The following SPTBN5 variants were observed in gnomAD, a reference collection of about 807,000 sequenced individuals.
SPTBN5 encodes spectrin beta chain, non-erythrocytic 5.
SPTBN5 carries 513 observed loss-of-function variants against 477.6 expected under a neutral mutation model. The ratio of observed to expected loss-of-function variants is 1.07; its 90% CI spans 1.00 to 1.16. The LOEUF is 1.16. SPTBN5 is among the 50% of genes most tolerant of loss of function. The probability of loss-of-function intolerance (pLI) is 0.00; values close to 1 mark genes in which losing one functional copy is unlikely to be tolerated. For synonymous variants in SPTBN5, 2,169 were observed against 2,011.7 expected (o/e 1.08, Z -2.09); for missense variants, 5,062 against 4,731.8 (o/e 1.07, Z -2.05).
chr15:41,875,554 C>T lies in SPTBN5; in HGVS notation c.4191G>A (p.Leu1397=), dbSNP rs1484513257. ...GGTTCAAAGCTTCCCACTTGCTTCT[C>T]AGGCCTTGAAGCCTGGTCTGTATGT... The part of the protein sequence containing the change: ...QEDIQTRLQG[L]RSKWEALNRK... The change falls in exon 22 of 68, where the codon CTG becomes CTA. Residue 1397 remains leucine (L), a synonymous_variant. Transcript: ENST00000320955. 1 of 1,610,318 alleles carries T rather than the reference C, an allele frequency of 6.2e-7. No homozygotes were observed. Among genetic ancestry groups the T allele is most frequent in the Non-Finnish European group, 8.5e-7 (1 of 1,178,406 alleles).
chr15:41,876,102 C>T lies in SPTBN5; in HGVS notation c.4122+12G>A, dbSNP rs114049387. 0.02 allele frequency: 31,194 copies of T among 1,592,486 alleles called. 571 individuals are homozygous for T. Among genetic ancestry groups the T allele is most frequent in the South Asian group, 0.081 (7,383 of 90,872 alleles). On this transcript the variant is annotated intron_variant, in intron 21 of 67. Transcript: ENST00000320955. ...CAAGGAGGCTCTGCACCCTCTGTCCCGTGTCCCCCACCTGCTGCAGGGCCT... is the reference window on the plus strand; with the variant it reads ...CAAGGAGGCTCTGCACCCTCTGTCCTGTGTCCCCCACCTGCTGCAGGGCCT...
chr15:41,868,699 C>T (rs902626330), intron 32 of SPTBN5, 98 bp from the exon 33 acceptor site: 22 of 1,311,410 alleles, frequency 1.7e-5, no homozygotes, highest in Non-Finnish European at 2.3e-5. Context: ...AGTCCACTCA[C>T]ACAGCCCGAG....
At chr15:41,864,125 A>G (rs2066217893) in intron 39 of SPTBN5, 101 bp from the exon 40 acceptor site, 14 of 980,532 alleles carry the variant, frequency 1.4e-5, no homozygotes, top group Non-Finnish European at 2.1e-5. Flanking sequence ...CCGGAGCATG[A>G]GGAACTGCAT....
In SPTBN5 at chr15:41,893,389, C is replaced by G. The variant is rs887586739; in HGVS notation, c.109G>C (p.Asp37His). 1 of 1,613,734 alleles carries G rather than the reference C, an allele frequency of 6.2e-7. No individual in the cohort carries two copies. The highest frequency in any genetic ancestry group is 1.3e-5 in the African/African-American group (1 of 74,936). The change falls in exon 2 of 68, where the codon GAC becomes CAC. Residue 37 changes from aspartate to histidine, a missense_variant. By Grantham distance (81) the Asp-to-His change is moderately conservative. Transcript: ENST00000320955. ...RVPPSPSLTM[D>H]SQYETGHIRK... Reference sequence around the variant, plus strand: ...ATGTGGCCCGTCTCGTACTGAGAGTCCATGGTGAGACTTGGACTGGGCGGG... The same window carrying G: ...ATGTGGCCCGTCTCGTACTGAGAGTGCATGGTGAGACTTGGACTGGGCGGG...
intron 27 of SPTBN5, 112 bp downstream of exon 27, chr15:41,872,190 C>G: frequency 1.5e-6 from 2 of 1,356,486 alleles, no homozygotes; most frequent in Non-Finnish European, 2.0e-6. Flanking sequence ...CCCAATGCAT[C>G]TCTACAGCCT....
Position 41,878,383 on chromosome 15 carries a change from C to G in SPTBN5, c.3429G>C (p.Glu1143Asp). The G allele has an allele frequency of 1.2e-6, 2 of 1,613,746 alleles. No homozygotes were observed. Among genetic ancestry groups the G allele is most frequent in the African/African-American group, 1.3e-5 (1 of 75,064 alleles). Residue 1143 changes from glutamate to aspartate, a missense_variant, in exon 17 of 68, where the codon GAG becomes GAC. Glu to Asp is a conservative substitution (Grantham distance 45, BLOSUM62 2). Transcript: ENST00000320955. The stretch of plus-strand genomic sequence containing the variant: ...GGATCTCCTCCAGCAGGTCTTGGTG[C>G]TCCCTCAGCAGCCGCTGAGCCGAGG... ...DVASAQRLLR[E>D]HQDLLEEIHL...
chr15:41,858,177 G>A (rs1363643436), intron 49 of SPTBN5, among the ~76,000 whole-genome samples: 1 of 152,140 alleles, frequency 6.6e-6, no homozygotes, highest in East Asian at 1.9e-4. Context: ...GTGGGCCTGT[G>A]ATCCCAGCTA....
chr15:41,868,394 C>T lies in SPTBN5; in HGVS notation c.6057+4G>A. ...ATGTGGGGGCACCAGGGGAGGGGGCCCACCTCCTTGGTGGGTGTCCCTGCA... is the reference window on the plus strand; with the variant it reads ...ATGTGGGGGCACCAGGGGAGGGGGCTCACCTCCTTGGTGGGTGTCCCTGCA... On this transcript the variant is annotated splice_donor_region_variant and intron_variant, in intron 33 of 67. Transcript: ENST00000320955. 1.3e-6 allele frequency: 2 copies of T among 1,597,918 alleles called. No homozygotes were observed. The highest frequency in any genetic ancestry group is 1.7e-6 in the Non-Finnish European group (2 of 1,171,030).
intron 3 of SPTBN5, 101 bp downstream of exon 3, chr15:41,892,793 G>T: frequency 7.3e-7 from 1 of 1,373,554 alleles, no homozygotes; most frequent in Non-Finnish European, 9.8e-7. Flanking sequence ...CAGCTCCTCT[G>T]TTCTGCCCAG....
At chr15:41,851,918 A>G in intron 62 of SPTBN5, 68 bp from the exon 63 acceptor site, 1 of 1,268,576 alleles carries the variant, frequency 7.9e-7, no homozygotes, top group Non-Finnish European at 1.1e-6. Flanking sequence ...CAAGGCACCC[A>G]CTGCCCCCAG....
intron 4 of SPTBN5, among the ~76,000 whole-genome samples, chr15:41,889,404 G>C (rs1406802554): frequency 6.6e-6 from 1 of 152,028 alleles, no homozygotes; most frequent in East Asian, 1.9e-4. Context: ...CTATGAAAAA[G>C]TATAACTATA....
rs2065903864 is a variant in SPTBN5 at position 41,855,427 on chromosome 15, G to T, written c.9220C>A (p.Pro3074Thr). The T allele has an allele frequency of 2.5e-6, 4 of 1,601,808 alleles. No individual in the cohort carries two copies. The highest frequency in any genetic ancestry group is 1.7e-4 in the Middle Eastern group (1 of 6,042). Residue 3074 changes from proline (P) to threonine (T), a missense_variant and splice_region_variant, in exon 55 of 68, where the codon CCC becomes ACC. Transcript: ENST00000320955. ...GCCTGCAGCTGGGCTAGCACCTTGG[G>T]GCTGTGGGAAGAGAGCGACAGTCTG... The part of the protein sequence containing the change: ...LLESRKNPES[P>T]KVLAQLQAVR...
rs1293805425 is a variant in SPTBN5, at chr15:41,854,992, G to A, written c.9424-16C>T. 5 of 1,525,262 alleles carry A rather than the reference G, an allele frequency of 3.3e-6. No homozygotes were observed. The highest frequency in any genetic ancestry group is 4.4e-6 in the Non-Finnish European group (5 of 1,136,638). 94.5% of individuals were successfully genotyped at this position (1,525,262 alleles called of 1,614,324 possible). A position where few individuals can be genotyped will look rare whatever the true frequency, so the allele number is the denominator to read the frequency against. On this transcript the variant is annotated splice_polypyrimidine_tract_variant and intron_variant, in intron 55 of 67. Transcript: ENST00000320955. ...CTTCCAGCACCTGCAAAGGTATGAG[G>A]CCCAGCAGGGTCACTTGAGATGGTA...
Position 41,874,457 on chromosome 15 carries a change from A to T in SPTBN5, c.4524T>A (p.His1508Gln). The T allele has an allele frequency of 1.2e-6, 2 of 1,610,630 alleles. No individual in the cohort carries two copies. The highest frequency in any genetic ancestry group is 1.7e-6 in the Non-Finnish European group (2 of 1,178,858). The change falls in exon 24 of 68, where the codon CAT becomes CAA. Residue 1508 changes from histidine (H) to glutamine (Q), a missense_variant. His to Gln is a conservative substitution (Grantham distance 24, BLOSUM62 0). Coordinates refer to ENST00000320955, the MANE Select transcript of SPTBN5 (RefSeq NM_016642.4). ...GCAGCTGCAGGCCCCGGATGGCCAG[A>T]TGCCCCTGCAGAAGCTCCAGCCTAG... ...HLRRLELLQG[H>Q]LAIRGLQLQA...
chr15:41,869,702 T>A lies in SPTBN5; in HGVS notation c.5853+139A>T. ...CAGCCCCTGACCAGCCAGACTGACA[T>A]CCCGTGTGCTCGTGCTCTCCCACCC... On this transcript the variant is annotated intron_variant, in intron 32 of 67. Coordinates refer to ENST00000320955, the MANE Select transcript of SPTBN5 (RefSeq NM_016642.4). 3.3e-6 allele frequency: 3 copies of A among 896,090 alleles called. 1 individual carries two copies. The South Asian group carries it at 7.8e-5, about 23-fold the overall frequency. 55.5% of individuals were successfully genotyped at this position (896,090 alleles called of 1,614,324 possible). A position where few individuals can be genotyped will look rare whatever the true frequency, so the allele number is the denominator to read the frequency against.
chr15:41,860,350 T>C (rs192916432), intron 47 of SPTBN5, among the ~76,000 whole-genome samples: 41 of 152,352 alleles, frequency 2.7e-4, no homozygotes, highest in African/African-American at 9.9e-4. Context: ...TAAACTCCCT[T>C]TGATCTCAAC....
chr15:41,876,438 A>T (rs2066730280), intron 20 of SPTBN5, 110 bp downstream of exon 20: 1 of 1,333,808 alleles, frequency 7.5e-7, no homozygotes, highest in Non-Finnish European at 1.0e-6. Context: ...TGTTGAGAGG[A>T]TGAATGACAT....
Position 41,873,472 on chromosome 15 carries a change from G to C in SPTBN5, c.5007+20C>G. ...ATCATCACCCAGACCACACTGCAGGGGAGGCTCAGGACGTGGTACCTGGTG... is the reference window on the plus strand; with the variant it reads ...ATCATCACCCAGACCACACTGCAGGCGAGGCTCAGGACGTGGTACCTGGTG... On this transcript the variant is annotated intron_variant, in intron 26 of 67. Transcript: ENST00000320955. 6.5e-7 allele frequency: 1 copy of C among 1,528,830 alleles called. No individual in the cohort carries two copies. Among genetic ancestry groups the C allele is most frequent in the Non-Finnish European group, 8.9e-7 (1 of 1,126,486 alleles). The allele number at this position is 1,528,830 out of a possible 1,614,324, so 94.7% of individuals were successfully genotyped here. A position where few individuals can be genotyped will look rare whatever the true frequency, so the allele number is the denominator to read the frequency against.
intron 33 of SPTBN5, 61 bp downstream of exon 33, chr15:41,868,337 G>C: frequency 6.4e-7 from 1 of 1,568,668 alleles, no homozygotes; most frequent in Non-Finnish European, 8.6e-7. Flanking sequence ...CGGGGCACCA[G>C]GTGGCCAGGC....
Sources: gnomAD v4.1 joint callset for allele counts (sites outside exome capture counted in the v4.1 genomes callset) on GRCh38, gnomAD v4.1.1 for gene constraint, MANE v1.5 for transcripts, NCBI Gene and HGNC (gene_info 2026-07-23, HGNC 2026-07-21) for gene names.